Variants in CELA1 observed in about 807,000 individuals in gnomAD.
The protein encoded by CELA1 is chymotrypsin like elastase 1.
In CELA1, 28 loss-of-function variants were observed where a neutral mutation model predicts 34.8. The observed-to-expected ratio is 0.80, with a 90% CI of 0.60 to 1.10. The LOEUF (loss-of-function observed/expected upper bound fraction) is 1.10. Ranked by LOEUF, CELA1 falls within the 50% of genes least tolerant of loss-of-function variation. The probability of loss-of-function intolerance (pLI) is 0.00; values close to 1 mark genes in which losing one functional copy is unlikely to be tolerated. For missense variants in CELA1, 288 were observed against 327.5 expected (o/e 0.88, Z 0.93); for synonymous variants, 140 against 129.8 (o/e 1.08, Z -0.53).
chr12:51,340,391 T>TC (rs1346509505), intron 5 of CELA1, among the ~76,000 whole-genome samples: 44 of 146,038 alleles, frequency 3.0e-4, no homozygotes, highest in African/African-American at 4.2e-4. Flanking sequence ...TTTCTTTCTT[T>TC]TTTTTTTTTT....
At position 51,343,785 on chromosome 12, in the gene CELA1, G is replaced by A; in HGVS notation, c.168C>T (p.Asn56=). 5 of 1,610,556 alleles carry A rather than the reference G, an allele frequency of 3.1e-6. 1 individual carries two copies. In the South Asian group the frequency reaches 5.5e-5, roughly 18 times the overall value. ...HTCGGTLIRQ[N]WVMTAAHCVD... Reference sequence around the variant, plus strand: ...CGCAGTGAGCAGCTGTCATCACCCAGTTCTGTCTGATAAGGGTCCCTCCAC... The same window carrying A: ...CGCAGTGAGCAGCTGTCATCACCCAATTCTGTCTGATAAGGGTCCCTCCAC... The change falls in exon 3 of 8, where the codon AAC becomes AAT. Residue 56 remains asparagine, a synonymous_variant. Coordinates refer to ENST00000293636, the MANE Select transcript of CELA1 (RefSeq NM_001971.6).
In CELA1 at chr12:51,328,542, C is replaced by T. The variant is rs1283028957; in HGVS notation, c.*35G>A. Reference sequence around the variant, plus strand: ...GCAAGTCCTACTGCAGATCTAAGAACCATTTTGGGAAGGTCGTTGGACTCA... The same window carrying T: ...GCAAGTCCTACTGCAGATCTAAGAATCATTTTGGGAAGGTCGTTGGACTCA... On this transcript the variant is annotated 3_prime_UTR_variant, in exon 8 of 8. Transcript: ENST00000293636. 1 of 1,612,924 alleles carries T rather than the reference C, an allele frequency of 6.2e-7. No individual in the cohort carries two copies. The highest frequency in any genetic ancestry group is 1.3e-5 in the African/African-American group (1 of 74,896).
intron 2 of CELA1, among the ~76,000 whole-genome samples, 181 bp from the exon 3 acceptor site, chr12:51,344,034 C>T (rs1373252925): frequency 6.6e-6 from 1 of 152,124 alleles, no homozygotes; most frequent in South Asian, 2.1e-4. Context: ...GCCTCTACAA[C>T]GTCAAAAATA....
intron 6 of CELA1, among the ~76,000 whole-genome samples, chr12:51,339,614 T>A (rs775193872): frequency 4.6e-5 from 7 of 152,100 alleles, no homozygotes; most frequent in Non-Finnish European, 8.8e-5. Flanking sequence ...AACATATAAA[T>A]GTTGGGCCAC....
chr12:51,329,541 G>T, intron 7 of CELA1, 143 bp downstream of exon 7: 2 of 852,860 alleles, frequency 2.3e-6, no homozygotes, highest in Non-Finnish European at 3.6e-6. Context: ...AGTACACCGT[G>T]GAAGGAAGGG....
rs745348426 is a variant in CELA1 at position 51,345,843 on chromosome 12, G to A, written c.51C>T (p.Ala17=). ...CGGCCTCAGTCCCTCCGACTACGCG[G>A]GCATTGGTTTCCGGAAGGTCCTGGG... ...HSTQDLPETN[A]RVVGGTEAGR... The change falls in exon 2 of 8, where the codon GCC becomes GCT. Residue 17 remains alanine, a synonymous_variant. Transcript: ENST00000293636. 4.5e-6 allele frequency: 7 copies of A among 1,560,190 alleles called. No homozygotes were observed. Among genetic ancestry groups the A allele is most frequent in the Non-Finnish European group, 6.1e-6 (7 of 1,151,256 alleles).
chr12:51,336,223 A>G (rs1371417881), intron 6 of CELA1, among the ~76,000 whole-genome samples: 1 of 152,176 alleles, frequency 6.6e-6, no homozygotes, highest in East Asian at 1.9e-4. Context: ...TCAAGTATTT[A>G]TGTTCTGACA....
At chr12:51,342,086 C>T (rs1402246553) in intron 4 of CELA1, among the ~76,000 whole-genome samples, 1 of 152,204 alleles carries the variant, frequency 6.6e-6, no homozygotes, top group Non-Finnish European at 1.5e-5. Flanking sequence ...GTCACCCAGG[C>T]TGGAGTGCAG....
chr12:51,337,539 CAAAAAAAAAA>C (rs33950532), intron 6 of CELA1, among the ~76,000 whole-genome samples: 2 of 69,364 alleles, frequency 2.9e-5, no homozygotes, highest in East Asian at 8.6e-4. Context: ...CTTATCTCTT[CAAAAAAAAAA>C]AAAAAAAAAA....
chr12:51,343,797 A>T lies in CELA1; in HGVS notation c.156T>A (p.Leu52=). 3 of 1,611,182 alleles carry T rather than the reference A, an allele frequency of 1.9e-6. No homozygotes were observed. Among genetic ancestry groups the T allele is most frequent in the Non-Finnish European group, 2.5e-6 (3 of 1,177,892 alleles). ...CTGTCATCACCCAGTTCTGTCTGAT[A>T]AGGGTCCCTCCACAGGTGTGATACC... ...GSRYHTCGGT[L]IRQNWVMTAA... The change falls in exon 3 of 8, where the codon CTT becomes CTA. Residue 52 remains leucine, a synonymous_variant. Coordinates refer to ENST00000293636, the MANE Select transcript of CELA1 (RefSeq NM_001971.6).
chr12:51,329,690 T>A lies in CELA1; in HGVS notation c.753A>T (p.Ile251=). 2 of 1,609,678 alleles carry A rather than the reference T, an allele frequency of 1.2e-6. No homozygotes were observed. The highest frequency in any genetic ancestry group is 1.7e-6 in the Non-Finnish European group (2 of 1,178,410). The part of the protein sequence containing the change: ...FTQVSAYISW[I]NNVIASN ...ATCATTTGAGAGGACTCACATTATT[T>A]ATCCAGGAGATGTAAGCAGAGACCT... The change falls in exon 7 of 8, where the codon ATA becomes ATT. Residue 251 remains isoleucine (I), a synonymous_variant. Coordinates refer to ENST00000293636, the MANE Select transcript of CELA1 (RefSeq NM_001971.6).
At position 51,328,479 on chromosome 12, in the gene CELA1, G is replaced by A. The variant is rs1946448363; in HGVS notation, c.*98C>T. 1.6e-6 allele frequency: 2 copies of A among 1,247,234 alleles called. No homozygotes were observed. Among genetic ancestry groups the A allele is most frequent in the Non-Finnish European group, 2.4e-6 (2 of 848,804 alleles). The allele number at this position is 1,247,234 out of a possible 1,614,324, so 77.3% of individuals were successfully genotyped here. A position where few individuals can be genotyped will look rare whatever the true frequency, so the allele number is the denominator to read the frequency against. On this transcript the variant is annotated 3_prime_UTR_variant, in exon 8 of 8. Transcript: ENST00000293636. ...AGTTTTATTTGCTTTTCTATCAATG[G>A]CTCAATAGTCTTTCAGAATGTGTTT...
In CELA1 at chr12:51,328,546, T is replaced by G; in HGVS notation, c.*31A>C. ...GTCCTACTGCAGATCTAAGAACCATTTTGGGAAGGTCGTTGGACTCAGGAA... is the reference window on the plus strand; with the variant it reads ...GTCCTACTGCAGATCTAAGAACCATGTTGGGAAGGTCGTTGGACTCAGGAA... On this transcript the variant is annotated 3_prime_UTR_variant, in exon 8 of 8. Transcript: ENST00000293636. 6.2e-7 allele frequency: 1 copy of G among 1,613,508 alleles called. No individual in the cohort carries two copies. Among genetic ancestry groups the G allele is most frequent in the Non-Finnish European group, 8.5e-7 (1 of 1,179,454 alleles).
chr12:51,343,811 A>G lies in CELA1; in HGVS notation c.142T>C (p.Cys48Arg). Residue 48 changes from cysteine (C) to arginine (R), a missense_variant, in exon 3 of 8, where the codon TGT becomes CGT. Transcript: ENST00000293636. ...YRSGGSRYHT[C>R]GGTLIRQNWV... ...TTCTGTCTGATAAGGGTCCCTCCAC[A>G]GGTGTGATACCGGGAACCTCCAGAC... The G allele has an allele frequency of 6.2e-7, 1 of 1,610,792 alleles. No individual in the cohort carries two copies. The highest frequency in any genetic ancestry group is 8.5e-7 in the Non-Finnish European group (1 of 1,177,612).
Position 51,329,841 on chromosome 12 carries a change from G to A in CELA1, c.610-8C>T. On this transcript the variant is annotated splice_polypyrimidine_tract_variant and splice_region_variant and intron_variant, in intron 6 of 7. Transcript: ENST00000293636. ...GGGGCCCCCAGAGTCACCCTGCAGG[G>A]AGGAGAAACAGAATCCTAAAACTCC... The A allele has an allele frequency of 6.3e-7, 1 of 1,595,148 alleles. No individual in the cohort carries two copies. The highest frequency in any genetic ancestry group is 8.5e-7 in the Non-Finnish European group (1 of 1,172,434).
In CELA1 at chr12:51,329,664, C is replaced by T. The variant is rs752515722; in HGVS notation, c.759+20G>A. The T allele has an allele frequency of 2.7e-5, 43 of 1,594,590 alleles. No individual in the cohort carries two copies. In the Admixed American group the frequency reaches 7.4e-4, roughly 27 times the overall value. On this transcript the variant is annotated intron_variant, in intron 7 of 7. Transcript: ENST00000293636. ...GTCTCCAGGTGACCCCATTTCAACC[C>T]ATCATTTGAGAGGACTCACATTATT... is the stretch of plus-strand genomic sequence containing the variant.
chr12:51,339,733 C>A (rs998998963), intron 6 of CELA1, 127 bp downstream of exon 6: 26 of 866,088 alleles, frequency 3.0e-5, no homozygotes, highest in Non-Finnish European at 4.4e-5. Flanking sequence ...CTCACTTAGA[C>A]GCCAGAGTAG....
Position 51,328,598 on chromosome 12 carries a change from AAGGAAAG to A in CELA1, c.760-11_760-5del. Reference sequence around the variant, plus strand: ...ATGTTCAGTTGGAGGCGATGACCTGAAGGAAAGACAGTTATGTCCACAGTCAGTAACT... The same window carrying A: ...ATGTTCAGTTGGAGGCGATGACCTGAACAGTTATGTCCACAGTCAGTAACT... On this transcript the variant is annotated splice_polypyrimidine_tract_variant and splice_region_variant and intron_variant, in intron 7 of 7. Transcript: ENST00000293636. The A allele has an allele frequency of 6.2e-7, 1 of 1,613,906 alleles. No individual in the cohort carries two copies. The highest frequency in any genetic ancestry group is 2.2e-5 in the East Asian group (1 of 44,872).
At chr12:51,342,737 G>C (rs1159983181) in intron 3 of CELA1, 37 bp from the exon 4 acceptor site, 2 of 1,610,672 alleles carry the variant, frequency 1.2e-6, no homozygotes, top group East Asian at 2.2e-5. Context: ...TCATCCAGGG[G>C]ACTCAAACCT....
Sources: gnomAD v4.1 joint callset for allele counts (sites outside exome capture counted in the v4.1 genomes callset) on GRCh38, gnomAD v4.1.1 for gene constraint, MANE v1.5 for transcripts, NCBI Gene and HGNC (gene_info 2026-07-23, HGNC 2026-07-21) for gene names.